The following FAT1 variants were observed in gnomAD, a reference collection of about 807,000 sequenced individuals.
FAT1 encodes protocadherin Fat 1.
In FAT1, 171 loss-of-function variants were observed where a neutral mutation model predicts 329.8. That is an observed-to-expected ratio of 0.52 (90% CI 0.46 to 0.59). The LOEUF (loss-of-function observed/expected upper bound fraction) is 0.59. Among genes scored for constraint, FAT1 ranks in the 20% least tolerant of loss-of-function variants. The probability of loss-of-function intolerance (pLI) is 0.00; values close to 1 mark genes in which losing one functional copy is unlikely to be tolerated. For missense variants in FAT1, 5,672 were observed against 5,774.4 expected, an observed-to-expected ratio of 0.98 and a Z score of 0.57; for synonymous variants, 2,233 against 2,228.6, an observed-to-expected ratio of 1.00 and a Z score of -0.06.
chr4:186,628,493 C>G lies in FAT1; in HGVS notation c.4594G>C (p.Val1532Leu), dbSNP rs1259904665. ...AGAGCGGGTAGAGCGCCTACCATGA[C>G]CGTGAGGGTGTGCTGGTGAACAGCT... ...HEAVHQHTLTVMVRDQDVPVK... is the reference protein window; with the variant it reads ...HEAVHQHTLTLMVRDQDVPVK... Residue 1532 changes from valine (V) to leucine (L), a missense_variant, in exon 8 of 27, where the codon GTC (valine) becomes CTC (leucine). Physicochemically the swap from Val to Leu is conservative, Grantham distance 32. This residue lies in a region of FAT1 where 3,966 missense variants were observed against 3,915.2 expected (regional missense o/e 1.01). Coordinates refer to ENST00000441802, the MANE Select transcript of FAT1 (RefSeq NM_005245.4). 7.4e-6 allele frequency: 12 copies of G among 1,613,832 alleles called. No homozygotes were observed. Among genetic ancestry groups the G allele is most frequent in the African/African-American group, 1.3e-5 (1 of 74,916 alleles).
chr4:186,666,423 T>C (rs749301598), intron 2 of FAT1, among the ~76,000 whole-genome samples: 5 of 152,168 alleles, frequency 3.3e-5, no homozygotes, highest in Non-Finnish European at 7.3e-5. Flanking sequence ...TATCCACAGA[T>C]ACAAAGACGT....
intron 3 of FAT1, among the ~76,000 whole-genome samples, chr4:186,643,058 A>C (rs77779780): frequency 6.6e-6 from 1 of 152,220 alleles, no homozygotes; most frequent in Non-Finnish European, 1.5e-5. Flanking sequence ...TCCACTAACA[A>C]ATACAGTCAC....
In FAT1 at chr4:186,595,724, A is replaced by G. The variant is rs1190911858; in HGVS notation, c.13103T>C (p.Leu4368Pro). Residue 4368 changes from leucine (L) to proline (P), a missense_variant, in exon 26 of 27, where the codon CTG becomes CCG. By Grantham distance (98) the Leu-to-Pro change is moderately conservative (BLOSUM62 -3). Around this residue, in one of 2 missense-constraint regions of FAT1, gnomAD observed 1,706 missense variants for 1,859.1 expected, o/e 0.92. Coordinates refer to ENST00000441802, the MANE Select transcript of FAT1 (RefSeq NM_005245.4). Reference sequence around the variant, plus strand: ...GCACGATTCGGACTGGAAGGAGCTCAGAGACTGCACTTCAGACAGGCTTTC... The same window carrying G: ...GCACGATTCGGACTGGAAGGAGCTCGGAGACTGCACTTCAGACAGGCTTTC... ...ARESLSEVQS[L>P]SSFQSESCDD... The G allele has an allele frequency of 1.9e-6, 3 of 1,613,972 alleles. No homozygotes were observed. The highest frequency in any genetic ancestry group is 4.5e-5 in the East Asian group (2 of 44,872).
intron 2 of FAT1, among the ~76,000 whole-genome samples, chr4:186,689,049 G>T (rs1029837833): frequency 1.3e-5 from 2 of 152,228 alleles, no homozygotes; most frequent in African/African-American, 4.8e-5. Context: ...TCAAAAAGAA[G>T]TGTGAAAAGC....
intron 2 of FAT1, among the ~76,000 whole-genome samples, chr4:186,674,898 G>A (rs148912499): frequency 0.038 from 5,740 of 152,170 alleles, 120 homozygotes; most frequent in Middle Eastern, 0.065. Context: ...GCCAAGCATG[G>A]TGGCAGGCAC....
intron 17 of FAT1, among the ~76,000 whole-genome samples, chr4:186,605,029 G>A (rs961680014): frequency 4.6e-5 from 7 of 151,902 alleles, no homozygotes; most frequent in Non-Finnish European, 7.4e-5. Context: ...GACCAGCCTG[G>A]CCAACGTGGT....
Position 186,706,842 on chromosome 4 carries a change from C to T in FAT1, c.2986G>A (p.Val996Met). ...TTGGCCCTCACAGTGAGATTATACA[C>T]TTGCTTCTTCTCAAAGTCCAACTGC... Reference protein sequence around the residue: ...VQQLDFEKKQVYNLTVRAKDK... With the variant: ...VQQLDFEKKQMYNLTVRAKDK... Residue 996 changes from valine (V) to methionine (M), a missense_variant, in exon 2 of 27, where the codon GTG becomes ATG. By Grantham distance (21) the Val-to-Met change is conservative (BLOSUM62 1). Transcript: ENST00000441802. The T allele has an allele frequency of 1.2e-6, 2 of 1,613,986 alleles. No individual in the cohort carries two copies. The highest frequency in any genetic ancestry group is 1.1e-5 in the South Asian group (1 of 91,074).
chr4:186,615,428 A>C (rs142266771), intron 11 of FAT1, among the ~76,000 whole-genome samples: 1 of 152,044 alleles, frequency 6.6e-6, no homozygotes, highest in East Asian at 1.9e-4. Context: ...CAACTCCTCC[A>C]TCCTCTTCAC....
intron 2 of FAT1, among the ~76,000 whole-genome samples, chr4:186,682,526 C>CAAAAAAAAAAAAACAAAAAAAAAAAAAA: frequency 8.4e-6 from 1 of 119,706 alleles, no homozygotes; most frequent in South Asian, 2.8e-4. Flanking sequence ...GACTCTGTCT[C>CAAAAAAAAAAAAACAAAAAAAAAAAAAA]AAAAAAAAAA....
At chr4:186,664,869 G>A (rs559613917) in intron 2 of FAT1, among the ~76,000 whole-genome samples, 1 of 152,242 alleles carries the variant, frequency 6.6e-6, no homozygotes, top group Admixed American at 6.5e-5. Context: ...GCAAACTACT[G>A]TGAGAAAAAT....
intron 2 of FAT1, among the ~76,000 whole-genome samples, chr4:186,691,920 T>G (rs1743781345): frequency 6.6e-6 from 1 of 150,962 alleles, no homozygotes; most frequent in Non-Finnish European, 1.5e-5. Context: ...TGCTTTACTG[T>G]GGCTACTATT....
At chr4:186,642,213 T>C (rs1479511095) in intron 3 of FAT1, among the ~76,000 whole-genome samples, 3 of 152,168 alleles carry the variant, frequency 2.0e-5, no homozygotes, top group Non-Finnish European at 2.9e-5. Flanking sequence ...ACCCTTCAGT[T>C]TAAACTGAAG....
chr4:186,622,013 G>C (rs1384991053), intron 9 of FAT1, among the ~76,000 whole-genome samples: 1 of 152,156 alleles, frequency 6.6e-6, no homozygotes, highest in East Asian at 1.9e-4. Context: ...AGAAGAAACA[G>C]CACTCTGCTC....
chr4:186,661,901 C>G (rs544796517), intron 3 of FAT1, among the ~76,000 whole-genome samples: 4 of 152,106 alleles, frequency 2.6e-5, no homozygotes, highest in Non-Finnish European at 5.9e-5. Context: ...CTCTTGGGAA[C>G]TGAGCCCTTA....
Position 186,604,585 on chromosome 4 carries a change from T to C in FAT1, c.10351-11A>G, listed in dbSNP as rs1404877104. 1 of 1,589,362 alleles carries C rather than the reference T, an allele frequency of 6.3e-7. No homozygotes were observed. Among genetic ancestry groups the C allele is most frequent in the African/African-American group, 1.4e-5 (1 of 73,930 alleles). On this transcript the variant is annotated splice_polypyrimidine_tract_variant and intron_variant, in intron 17 of 26. Coordinates refer to ENST00000441802, the MANE Select transcript of FAT1 (RefSeq NM_005245.4). ...CACTGGCTTATTTTCCTGCACAAGA[T>C]TAGAAACAAAATTAAACAAAAATCC... is the stretch of plus-strand genomic sequence containing the variant.
At chr4:186,685,938 C>G (rs986407613) in intron 2 of FAT1, among the ~76,000 whole-genome samples, 1 of 152,144 alleles carries the variant, frequency 6.6e-6, no homozygotes. Flanking sequence ...CTCTCTACAC[C>G]AAAGTAAATT....
rs749145480 is a variant in FAT1 at position 186,613,318 on chromosome 4, A to AG, written c.9253dup (p.Leu3085ProfsTer2). 7 of 1,613,980 alleles carry AG rather than the reference A, an allele frequency of 4.3e-6. No individual in the cohort carries two copies. The highest frequency in any genetic ancestry group is 5.9e-6 in the Non-Finnish European group (7 of 1,179,848). On this transcript the variant is annotated frameshift_variant, in exon 13 of 27. Coordinates refer to ENST00000441802, the MANE Select transcript of FAT1 (RefSeq NM_005245.4). LOFTEE classifies it high-confidence loss of function. The stretch of plus-strand genomic sequence containing the variant: ...ATAAACAGCTTGCTCCTCACGATCA[A>AG]GGGGGGTTGACGTTTTCAGTTCACC...
At chr4:186,698,523 C>T (rs943620480) in intron 2 of FAT1, among the ~76,000 whole-genome samples, 2 of 152,192 alleles carry the variant, frequency 1.3e-5, no homozygotes, top group Non-Finnish European at 2.9e-5. Flanking sequence ...AGATAAGAAA[C>T]AGCTCCACGT....
intron 3 of FAT1, 111 bp from the exon 4 acceptor site, chr4:186,639,894 C>T: frequency 1.1e-6 from 1 of 884,804 alleles, no homozygotes; most frequent in Non-Finnish European, 1.8e-6. Flanking sequence ...TTAATCCCAG[C>T]ACTTTGGGAG....
Sources: allele counts gnomAD v4.1 joint callset (sites outside exome capture counted in the v4.1 genomes callset), GRCh38; gene constraint gnomAD v4.1.1; regional missense constraint gnomAD v4.1.1; transcripts MANE v1.5; gene names NCBI Gene and HGNC (gene_info 2026-07-23, HGNC 2026-07-21).